Variants in TMED2 observed in about 807,000 individuals in gnomAD.
TMED2 encodes the protein transmembrane emp24 domain-containing protein 2.
TMED2 carries 3 observed loss-of-function variants against 17.5 expected under a neutral mutation model. That is an observed-to-expected ratio of 0.17 (90% confidence interval 0.08 to 0.44). The LOEUF is 0.44. Ranked by LOEUF, TMED2 falls within the 20% of genes least tolerant of loss-of-function variation. TMED2 has a pLI of 0.99. For synonymous variants in TMED2, 95 were observed against 91.0 expected (o/e 1.04, Z -0.25); for missense variants, 149 against 254.8 (o/e 0.58, Z 2.83).
intron 3 of TMED2, among the ~76,000 whole-genome samples, chr12:123,593,962 ATTTTT>A (rs764283197): frequency 7.3e-6 from 1 of 136,894 alleles, no homozygotes; most frequent in East Asian, 2.1e-4. Context: ...CACCTGGCTA[ATTTTT>A]TTTTTTTTTT....
intron 3 of TMED2, 143 bp downstream of exon 3, chr12:123,590,592 T>G (rs984277104): frequency 2.5e-5 from 14 of 551,996 alleles, no homozygotes; most frequent in Non-Finnish European, 4.2e-5. Flanking sequence ...CACGAGATAT[T>G]TTTTGAGCAT....
At chr12:123,586,666 T>G (rs1003399470) in intron 1 of TMED2, 81 bp from the exon 2 acceptor site, 1 of 1,396,316 alleles carries the variant, frequency 7.2e-7, no homozygotes, top group African/African-American at 1.5e-5. Context: ...TTGGTGAATT[T>G]CTTACTGCCA....
intron 3 of TMED2, among the ~76,000 whole-genome samples, chr12:123,595,540 G>T (rs1953424960): frequency 6.6e-6 from 1 of 152,118 alleles, no homozygotes; most frequent in Non-Finnish European, 1.5e-5. Context: ...TTGCATTTTG[G>T]ATAACTGTGA....
chr12:123,584,564 G>GGGGGGC lies in TMED2; in HGVS notation c.-71_-70insGGGCGG, dbSNP rs1886297510. 1.4e-6 allele frequency: 2 copies of GGGGGGC among 1,399,840 alleles called. No homozygotes were observed. Among genetic ancestry groups the GGGGGGC allele is most frequent in the African/African-American group, 2.9e-5 (2 of 69,830 alleles). 86.7% of individuals were successfully genotyped at this position (1,399,840 alleles called of 1,614,324 possible). On this transcript the variant is annotated 5_prime_UTR_variant, in exon 1 of 4. Coordinates refer to ENST00000262225, the MANE Select transcript of TMED2 (RefSeq NM_006815.4). ...GGCGGCGGTGGCTGAGAAGGCAGCG[G>GGGGGGC]GGCGGCGGCGGCGGCGGCGGCGGCG...
intron 3 of TMED2, among the ~76,000 whole-genome samples, chr12:123,592,378 G>A (rs969457384): frequency 6.6e-6 from 1 of 152,178 alleles, no homozygotes; most frequent in African/African-American, 2.4e-5. Flanking sequence ...AATTTTAACT[G>A]GTTCAGACCA....
In TMED2 at chr12:123,597,409, CT is replaced by C. The variant is rs1953439327; in HGVS notation, c.*681del. Reference sequence around the variant, plus strand: ...CATTTCTGGGTTTCTGCCTAACCCCCTAATTGTCTGTTAAAGCCAATTCTCT... The same window carrying C: ...CATTTCTGGGTTTCTGCCTAACCCCCAATTGTCTGTTAAAGCCAATTCTCT... On this transcript the variant is annotated 3_prime_UTR_variant, in exon 4 of 4. Transcript: ENST00000262225. 6.6e-6 allele frequency: 1 copy of C among 152,246 alleles called. No homozygotes were observed. The highest frequency in any genetic ancestry group is 1.5e-5 in the Non-Finnish European group (1 of 68,050). 9.4% of individuals were successfully genotyped at this position (152,246 alleles called of 1,614,324 possible).
At position 123,593,986 on chromosome 12, in the gene TMED2, T is replaced by C. The variant is rs113283021; in HGVS notation, c.482-2619T>C. Among the ~76,000 whole-genome samples the C allele has an allele frequency of 4.0e-3, 606 of 151,218 alleles. 1 individual carries two copies. The highest frequency in any genetic ancestry group is 7.3e-3 in the Non-Finnish European group (494 of 67,766). ...AATTTTTTTTTTTTTTTTTTGGTAT[T>C]GTAGAGACTGGGTTTCTCCATATTG... is the stretch of plus-strand genomic sequence containing the variant. On this transcript the variant is annotated intron_variant, in intron 3 of 3. Transcript: ENST00000262225.
chr12:123,586,615 G>T, intron 1 of TMED2, 132 bp from the exon 2 acceptor site: 3 of 869,154 alleles, frequency 3.5e-6, no homozygotes, highest in Non-Finnish European at 5.0e-6. Context: ...CTCCCAAAGT[G>T]CTGTGATTAC....
Position 123,598,113 on chromosome 12 carries a change from C to T in TMED2, c.*1384C>T, listed in dbSNP as rs533433681. ...GGTTGTATCTAATATGCCCCAGGTT[C>T]GGTAAATAAACAATTCTTTTTAAAA... On this transcript the variant is annotated 3_prime_UTR_variant, in exon 4 of 4. Coordinates refer to ENST00000262225, the MANE Select transcript of TMED2 (RefSeq NM_006815.4). 3 of 152,330 alleles carry T rather than the reference C, an allele frequency of 2.0e-5. No homozygotes were observed. Among genetic ancestry groups the T allele is most frequent in the East Asian group, 1.9e-4 (1 of 5,184 alleles). 9.4% of individuals were successfully genotyped at this position (152,330 alleles called of 1,614,324 possible).
intron 3 of TMED2, 61 bp downstream of exon 3, chr12:123,590,510 CT>C: frequency 7.3e-7 from 1 of 1,370,038 alleles, no homozygotes; most frequent in Non-Finnish European, 1.0e-6. Flanking sequence ...TACTCAACAG[CT>C]TGCTCGTATT....
intron 3 of TMED2, among the ~76,000 whole-genome samples, chr12:123,594,220 C>T (rs1278533114): frequency 1.3e-5 from 2 of 151,564 alleles, no homozygotes; most frequent in African/African-American, 2.4e-5. Context: ...CTGCAAGCTC[C>T]GCCTCCCAGG....
intron 1 of TMED2, 126 bp from the exon 2 acceptor site, chr12:123,586,621 A>C (rs1467823150): frequency 1.1e-5 from 11 of 970,530 alleles, no homozygotes; most frequent in Middle Eastern, 3.5e-4. Flanking sequence ...AAGTGCTGTG[A>C]TTACAGGCGT....
intron 2 of TMED2, among the ~76,000 whole-genome samples, chr12:123,587,944 A>G (rs923696678): frequency 6.6e-6 from 1 of 152,244 alleles, no homozygotes; most frequent in East Asian, 1.9e-4. Flanking sequence ...TCCCAATTAA[A>G]CATAGCTCAT....
Position 123,597,218 on chromosome 12 carries a change from GCTCTCTGA to G in TMED2, c.*492_*499del, listed in dbSNP as rs141708988. The stretch of plus-strand genomic sequence containing the variant: ...GGTTTCTGCCCGTCCTAATGGCAGA[GCTCTCTGA>G]CTTGGGTGTATGCTGCCAGGCTGGG... On this transcript the variant is annotated 3_prime_UTR_variant, in exon 4 of 4. Transcript: ENST00000262225. 6.6e-6 allele frequency: 1 copy of G among 152,372 alleles called. No homozygotes were observed. Among genetic ancestry groups the G allele is most frequent in the African/African-American group, 2.4e-5 (1 of 41,590 alleles). The allele number at this position is 152,372 out of a possible 1,614,324, so 9.4% of individuals were successfully genotyped here. A position where few individuals can be genotyped will look rare whatever the true frequency, so the allele number is the denominator to read the frequency against.
At chr12:123,587,551 T>A in intron 2 of TMED2, 2 of 1,227,122 alleles carry the variant, frequency 1.6e-6, no homozygotes, top group Non-Finnish European at 2.1e-6. Flanking sequence ...TATACATGAC[T>A]AGTTTAGCTA....
chr12:123,590,677 C>A lies in TMED2; in HGVS notation c.481+228C>A, dbSNP rs530946986. 3.3e-5 allele frequency among the ~76,000 whole-genome samples: 5 copies of A among 152,260 alleles called. No homozygotes were observed. In the South Asian group the frequency reaches 1.0e-3, roughly 32 times the overall value. Reference sequence around the variant, plus strand: ...TAGAAAATGCTATTAAGATTTAGTACAAGTTTTTAAGAGTTTAGTTTTCTG... The same window carrying A: ...TAGAAAATGCTATTAAGATTTAGTAAAAGTTTTTAAGAGTTTAGTTTTCTG... On this transcript the variant is annotated intron_variant, in intron 3 of 3. Coordinates refer to ENST00000262225, the MANE Select transcript of TMED2 (RefSeq NM_006815.4).
At position 123,596,783 on chromosome 12, in the gene TMED2, G is replaced by A. The variant is rs909095418; in HGVS notation, c.*54G>A. The A allele has an allele frequency of 6.6e-7, 1 of 1,513,388 alleles. No individual in the cohort carries two copies. Among genetic ancestry groups the A allele is most frequent in the African/African-American group, 1.4e-5 (1 of 70,718 alleles). The allele number at this position is 1,513,388 out of a possible 1,614,324, so 93.7% of individuals were successfully genotyped here. ...GAATTCACTGTTTACCAAACACCTT[G>A]GTCATAATAATGTCATTAGTTTCTC... On this transcript the variant is annotated 3_prime_UTR_variant, in exon 4 of 4. Coordinates refer to ENST00000262225, the MANE Select transcript of TMED2 (RefSeq NM_006815.4).
chr12:123,592,733 T>C (rs1277990345), intron 3 of TMED2, among the ~76,000 whole-genome samples: 1 of 152,222 alleles, frequency 6.6e-6, no homozygotes, highest in Non-Finnish European at 1.5e-5. Context: ...CAGGCTGATA[T>C]ATGAGTGGCA....
chr12:123,597,465 C>T lies in TMED2; in HGVS notation c.*736C>T, dbSNP rs14442. 1 of 152,428 alleles carries T rather than the reference C, an allele frequency of 6.6e-6. No individual in the cohort carries two copies. Among genetic ancestry groups the T allele is most frequent in the Non-Finnish European group, 1.5e-5 (1 of 68,018 alleles). 9.4% of individuals were successfully genotyped at this position (152,428 alleles called of 1,614,324 possible). A position where few individuals can be genotyped will look rare whatever the true frequency, so the allele number is the denominator to read the frequency against. ...GTCCCAGTGAGTGGTGGCTTTTTTTCTTTCCACATTGGCACATTCACTTCT... is the reference window on the plus strand; with the variant it reads ...GTCCCAGTGAGTGGTGGCTTTTTTTTTTTCCACATTGGCACATTCACTTCT... On this transcript the variant is annotated 3_prime_UTR_variant, in exon 4 of 4. Transcript: ENST00000262225.
Sources: gnomAD v4.1 joint callset for allele counts (sites outside exome capture counted in the v4.1 genomes callset) on GRCh38, gnomAD v4.1.1 for gene constraint, MANE v1.5 for transcripts, NCBI Gene and HGNC (gene_info 2026-07-23, HGNC 2026-07-21) for gene names.